Variants in JHY observed in about 807,000 individuals in gnomAD.
JHY encodes the protein junctional cadherin complex regulator.
Under a neutral mutation model 78.0 loss-of-function variants are expected in JHY, and 69 were observed. The observed-to-expected ratio is 0.88, with a 90% CI of 0.73 to 1.08. The LOEUF (loss-of-function observed/expected upper bound fraction) is 1.08, where lower values mean the gene tolerates loss of function less well. Ranked by LOEUF, JHY falls within the 50% of genes least tolerant of loss-of-function variation. The pLI, the probability that JHY is intolerant of heterozygous loss-of-function variation, is 0.00. For synonymous variants in JHY, 368 were observed against 342.6 expected (o/e 1.07, Z -0.82); for missense variants, 944 against 927.8 (o/e 1.02, Z -0.23).
chr11:122,927,739 T>C (rs1253571281), intron 4 of JHY, among the ~76,000 whole-genome samples: 1 of 151,424 alleles, frequency 6.6e-6, no homozygotes, highest in Admixed American at 6.6e-5. Context: ...TTTTCTTTTT[T>C]TTTTTTTTGA....
At chr11:122,925,420 T>C (rs1358342978) in intron 4 of JHY, among the ~76,000 whole-genome samples, 1 of 152,224 alleles carries the variant, frequency 6.6e-6, no homozygotes, top group African/African-American at 2.4e-5. Flanking sequence ...GAAAACTGGA[T>C]GGGAATTCCC....
intron 4 of JHY, among the ~76,000 whole-genome samples, chr11:122,929,180 G>A (rs1245874731): frequency 5.3e-5 from 8 of 151,494 alleles, no homozygotes; most frequent in African/African-American, 1.9e-4. Flanking sequence ...GCCTGCCTTG[G>A]CCTCCCAAAG....
At chr11:122,906,125 A>C (rs1310971497) in intron 3 of JHY, among the ~76,000 whole-genome samples, 1 of 152,172 alleles carries the variant, frequency 6.6e-6, no homozygotes, top group Non-Finnish European at 1.5e-5. Context: ...AACTTACATG[A>C]AATTTTGAAT....
Position 122,904,371 on chromosome 11 carries a change from G to A in JHY, c.791G>A (p.Gly264Glu). 7 of 1,614,068 alleles carry A rather than the reference G, an allele frequency of 4.3e-6. No individual in the cohort carries two copies. The highest frequency in any genetic ancestry group is 5.1e-6 in the Non-Finnish European group (6 of 1,180,022). ...HFVEKNKLTL[G>E]LPTPKTDSYL... ...GTGGAAAAAAACAAGCTCACTTTGG[G>A]ATTACCCACCCCGAAAACGGACTCT... Residue 264 changes from glycine to glutamate, a missense_variant, in exon 3 of 9, where the codon GGA becomes GAA. Gly to Glu is a moderately conservative substitution (Grantham distance 98, BLOSUM62 -2). Transcript: ENST00000227349.
intron 2 of JHY, among the ~76,000 whole-genome samples, chr11:122,890,778 C>G (rs2135284143): frequency 6.6e-6 from 1 of 152,284 alleles, no homozygotes; most frequent in East Asian, 1.9e-4. Context: ...CTGTTTTCCT[C>G]AGATTGATTT....
chr11:122,885,761 G>A lies in JHY; in HGVS notation c.-89G>A. ...GTAACATAAATATATTTTTTTTCAG[G>A]TAACGCTTTTGTGAACCACAACTTT... On this transcript the variant is annotated splice_region_variant and 5_prime_UTR_variant, in exon 2 of 9. Transcript: ENST00000227349. The A allele has an allele frequency of 1.0e-6, 1 of 984,346 alleles. No individual in the cohort carries two copies. Among genetic ancestry groups the A allele is most frequent in the Non-Finnish European group, 1.5e-6 (1 of 660,202 alleles). 61.0% of individuals were successfully genotyped at this position (984,346 alleles called of 1,614,324 possible). A position where few individuals can be genotyped will look rare whatever the true frequency, so the allele number is the denominator to read the frequency against.
At chr11:122,894,880 T>C (rs539045011) in intron 2 of JHY, among the ~76,000 whole-genome samples, 36 of 152,366 alleles carry the variant, frequency 2.4e-4, no homozygotes, top group African/African-American at 8.7e-4. Context: ...TTCATTTCAT[T>C]AAAGCATCCT....
Position 122,885,941 on chromosome 11 carries a change from A to C in JHY, c.92A>C (p.Lys31Thr). Residue 31 changes from lysine to threonine, a missense_variant, in exon 2 of 9, where the codon AAG (lysine) becomes ACG (threonine). Lys to Thr is a moderately conservative substitution (Grantham distance 78). Coordinates refer to ENST00000227349, the MANE Select transcript of JHY (RefSeq NM_024806.4). Reference protein sequence around the residue: ...LNVQSTHPPLKKEDLHRISKD... With the variant: ...LNVQSTHPPLTKEDLHRISKD... ...GTCCAGTCCACACACCCACCTTTGA[A>C]GAAAGAAGACTTACATCGGATTTCA... The C allele has an allele frequency of 1.2e-6, 2 of 1,614,200 alleles. No individual in the cohort carries two copies. Among genetic ancestry groups the C allele is most frequent in the Non-Finnish European group, 1.7e-6 (2 of 1,180,028 alleles).
Position 122,904,273 on chromosome 11 carries a change from C to T in JHY, c.693C>T (p.Ser231=), listed in dbSNP as rs772818195. 7.4e-6 allele frequency: 12 copies of T among 1,614,154 alleles called. No individual in the cohort carries two copies. In the African/African-American group the frequency reaches 1.5e-4, roughly 20 times the overall value. The change falls in exon 3 of 9, where the codon AGC becomes AGT. Residue 231 remains serine (S), a synonymous_variant. Coordinates refer to ENST00000227349, the MANE Select transcript of JHY (RefSeq NM_024806.4). ...GCAGCCTTTCTCCGTACGTGAAGAGCTCAAGTTCACATAACGAGGTTTTCC... is the reference window on the plus strand; with the variant it reads ...GCAGCCTTTCTCCGTACGTGAAGAGTTCAAGTTCACATAACGAGGTTTTCC... ...KSSSLSPYVK[S]SSSHNEVFLP...
chr11:122,941,799 TG>T (rs1863879404), intron 5 of JHY, among the ~76,000 whole-genome samples: 1 of 152,236 alleles, frequency 6.6e-6, no homozygotes, highest in Non-Finnish European at 1.5e-5. Context: ...CAGGTCACTG[TG>T]TGTGCCTCCT....
rs553628322 is a variant in JHY at position 122,942,933 on chromosome 11, G to A, written c.1635-3565G>A. 4.3e-4 allele frequency among the ~76,000 whole-genome samples: 65 copies of A among 152,218 alleles called. 1 individual carries two copies. The highest frequency in any genetic ancestry group is 1.6e-3 in the African/African-American group (65 of 41,516). On this transcript the variant is annotated intron_variant, in intron 5 of 8. Coordinates refer to ENST00000227349, the MANE Select transcript of JHY (RefSeq NM_024806.4). ...CATGTTGCCCAGGCTGGAGTGCAAC[G>A]GAGTGATCCTAGCTCACTGCAGTCT...
chr11:122,905,640 G>C, intron 3 of JHY: 4 of 965,380 alleles, frequency 4.1e-6, no homozygotes, highest in Non-Finnish European at 4.9e-6. Context: ...GGTCGAGGTG[G>C]GAGGATCACT....
intron 4 of JHY, among the ~76,000 whole-genome samples, chr11:122,926,208 AAAAAAGAAAAAGAAAAAG>A (rs1290033411): frequency 1.1e-5 from 1 of 89,326 alleles, no homozygotes; most frequent in Non-Finnish European, 3.0e-5. Context: ...AAAAAAAAAG[AAAAAAGAAAAAGAAAAAG>A]AAAAAGAAAA....
At chr11:122,887,304 T>C (rs1329165783) in intron 2 of JHY, among the ~76,000 whole-genome samples, 3 of 152,194 alleles carry the variant, frequency 2.0e-5, no homozygotes, top group Non-Finnish European at 4.4e-5. Flanking sequence ...TGGCTCCTTA[T>C]AAATTATATC....
intron 6 of JHY, among the ~76,000 whole-genome samples, chr11:122,953,494 T>C (rs1053002511): frequency 6.7e-6 from 1 of 149,448 alleles, no homozygotes; most frequent in African/African-American, 2.5e-5. Flanking sequence ...CCCAGCTACT[T>C]GGGAGGCTGA....
rs370306414 is a variant in JHY at position 122,912,184 on chromosome 11, G to T, written c.864+7740G>T. 2.6e-5 allele frequency among the ~76,000 whole-genome samples: 4 copies of T among 151,930 alleles called. No homozygotes were observed. In the East Asian group the frequency reaches 7.8e-4, roughly 30 times the overall value. Reference sequence around the variant, plus strand: ...CACCTGTAATCCCACCTACTCAAGAGGCTGAGGCAGGAGAATCACTTGAAC... The same window carrying T: ...CACCTGTAATCCCACCTACTCAAGATGCTGAGGCAGGAGAATCACTTGAAC... On this transcript the variant is annotated intron_variant, in intron 3 of 8. Transcript: ENST00000227349.
chr11:122,905,257 A>G, intron 3 of JHY: 4 of 1,613,998 alleles, frequency 2.5e-6, no homozygotes, highest in Middle Eastern at 1.6e-4. Context: ...ACAGGTGCAC[A>G]TAAAGACCTT....
intron 3 of JHY, among the ~76,000 whole-genome samples, chr11:122,910,575 G>C (rs1863095371): frequency 6.6e-6 from 1 of 152,152 alleles, no homozygotes; most frequent in Admixed American, 6.6e-5. Context: ...TTAATTGCAA[G>C]AGGTGGAGGG....
At chr11:122,941,617 A>G (rs932028342) in intron 5 of JHY, among the ~76,000 whole-genome samples, 2 of 152,236 alleles carry the variant, frequency 1.3e-5, no homozygotes, top group Non-Finnish European at 2.9e-5. Context: ...TCATAAATTA[A>G]TTCTTTTCTC....
Sources: allele counts gnomAD v4.1 joint callset (sites outside exome capture counted in the v4.1 genomes callset), GRCh38; gene constraint gnomAD v4.1.1; transcripts MANE v1.5; gene names NCBI Gene and HGNC (gene_info 2026-07-23, HGNC 2026-07-21).